RASGRF2: variants seen among roughly 807,000 people sequenced by gnomAD.
The protein encoded by RASGRF2 is Ras protein specific guanine nucleotide releasing factor 2, also known as ras-specific guanine nucleotide-releasing factor 2.
Under a neutral mutation model 151.0 loss-of-function variants are expected in RASGRF2, and 76 were observed. The ratio of observed to expected loss-of-function variants is 0.50; its 90% CI spans 0.42 to 0.61. The LOEUF is 0.61. Ranked by LOEUF, RASGRF2 falls within the 20% of genes least tolerant of loss-of-function variation. The pLI is 0.00. For synonymous variants in RASGRF2, 504 were observed against 566.5 expected (o/e 0.89, Z 1.57); for missense variants, 1,148 against 1,564.6 (o/e 0.73, Z 4.49).
chr5:81,196,237 T>C (rs1422585944), intron 18 of RASGRF2, among the ~76,000 whole-genome samples: 1 of 152,142 alleles, frequency 6.6e-6, no homozygotes, highest in Non-Finnish European at 1.5e-5. Context: ...GCCTGGGCAA[T>C]AGAGTGAAAC....
chr5:81,068,192 C>A lies in RASGRF2; in HGVS notation c.543+13C>A. The A allele has an allele frequency of 6.2e-7, 1 of 1,603,746 alleles. No homozygotes were observed. The highest frequency in any genetic ancestry group is 1.1e-5 in the South Asian group (1 of 89,502). ...GCTTAAATCAGAGGTATTTCCCAGT[C>A]AATAGATTCCTTCTCATTGTTTCAC... On this transcript the variant is annotated intron_variant, in intron 3 of 26. Coordinates refer to ENST00000265080, the MANE Select transcript of RASGRF2 (RefSeq NM_006909.3).
chr5:81,038,702 G>T (rs1750588394), intron 1 of RASGRF2, among the ~76,000 whole-genome samples: 1 of 149,848 alleles, frequency 6.7e-6, no homozygotes, highest in African/African-American at 2.5e-5. Context: ...CAGCCTCCCA[G>T]GCAGCTGAGA....
chr5:80,961,278 C>T (rs1346037120), intron 1 of RASGRF2, among the ~76,000 whole-genome samples: 1 of 152,182 alleles, frequency 6.6e-6, no homozygotes, highest in African/African-American at 2.4e-5. Context: ...CTTTCATTAC[C>T]CTGGTAGAGG....
chr5:81,212,663 A>C (rs1755651714), intron 23 of RASGRF2, 100 bp downstream of exon 23: 2 of 1,181,268 alleles, frequency 1.7e-6, no homozygotes. Context: ...ATTAACTGAA[A>C]TGAGCCGCTC....
intron 19 of RASGRF2, among the ~76,000 whole-genome samples, chr5:81,205,838 C>G (rs1443263104): frequency 2.0e-5 from 3 of 152,144 alleles, no homozygotes; most frequent in Admixed American, 6.5e-5. Context: ...GCAAGCTCTG[C>G]CTCCTTGGTT....
intron 18 of RASGRF2, among the ~76,000 whole-genome samples, chr5:81,199,013 G>T (rs1425742590): frequency 6.6e-6 from 1 of 152,152 alleles, no homozygotes; most frequent in Non-Finnish European, 1.5e-5. Context: ...GAACTAATTT[G>T]CATTCCCACC....
chr5:81,191,101 C>T (rs977384115), intron 18 of RASGRF2, among the ~76,000 whole-genome samples: 1 of 152,182 alleles, frequency 6.6e-6, no homozygotes, highest in Non-Finnish European at 1.5e-5. Context: ...CCTGACATCA[C>T]CTGGTCCTTG....
intron 7 of RASGRF2, among the ~76,000 whole-genome samples, chr5:81,082,148 T>G (rs1254019686): frequency 1.3e-5 from 2 of 152,188 alleles, no homozygotes; most frequent in Admixed American, 6.5e-5. Context: ...CATGGGGCAT[T>G]CAGAGAGGAA....
intron 2 of RASGRF2, 149 bp from the exon 3 acceptor site, chr5:81,067,883 A>G: frequency 1.8e-6 from 1 of 569,098 alleles, no homozygotes; most frequent in East Asian, 3.4e-5. Flanking sequence ...TACCAAATGT[A>G]AGCTGAAAGT....
At chr5:81,023,175 G>A (rs1749891657) in intron 1 of RASGRF2, among the ~76,000 whole-genome samples, 1 of 152,188 alleles carries the variant, frequency 6.6e-6, no homozygotes, top group Admixed American at 6.5e-5. Flanking sequence ...TAGGGCTGGT[G>A]CCTGGGAGAG....
At chr5:81,121,718 C>T (rs563680923) in intron 15 of RASGRF2, among the ~76,000 whole-genome samples, 3 of 152,310 alleles carry the variant, frequency 2.0e-5, no homozygotes, top group African/African-American at 7.2e-5. Context: ...GGTGCTTCTA[C>T]AAAACACAAA....
intron 17 of RASGRF2, among the ~76,000 whole-genome samples, chr5:81,166,809 G>A (rs1213201783): frequency 6.6e-6 from 1 of 152,126 alleles, no homozygotes; most frequent in Non-Finnish European, 1.5e-5. Context: ...AAAGGACACT[G>A]AGAACCCGAG....
chr5:80,998,734 C>T (rs1289089647), intron 1 of RASGRF2, among the ~76,000 whole-genome samples: 1 of 152,186 alleles, frequency 6.6e-6, no homozygotes, highest in Admixed American at 6.5e-5. Context: ...CCCTGCTCTG[C>T]CTGTATAAGT....
intron 26 of RASGRF2, among the ~76,000 whole-genome samples, chr5:81,221,704 C>A (rs1215270326): frequency 1.3e-5 from 2 of 151,996 alleles, no homozygotes; most frequent in Non-Finnish European, 2.9e-5. Context: ...TGGCCGGGCG[C>A]CTTGGCTCAC....
intron 1 of RASGRF2, among the ~76,000 whole-genome samples, chr5:80,981,874 A>G (rs190177737): frequency 4.6e-5 from 7 of 152,352 alleles, no homozygotes; most frequent in Admixed American, 2.0e-4. Flanking sequence ...CATACTAAAA[A>G]TTGCTTTTTA....
chr5:81,020,837 G>T (rs1749800457), intron 1 of RASGRF2, among the ~76,000 whole-genome samples: 1 of 152,170 alleles, frequency 6.6e-6, no homozygotes, highest in African/African-American at 2.4e-5. Flanking sequence ...GTGTCTACTG[G>T]GTGCCAGGCA....
chr5:81,216,512 C>CTAATAA (rs766230798), intron 24 of RASGRF2, among the ~76,000 whole-genome samples: 1 of 151,580 alleles, frequency 6.6e-6, no homozygotes. Flanking sequence ...AAGACTAAGA[C>CTAATAA]TAATAATAAT....
At chr5:80,988,856 CAA>C (rs1277812378) in intron 1 of RASGRF2, among the ~76,000 whole-genome samples, 3 of 152,026 alleles carry the variant, frequency 2.0e-5, no homozygotes, top group African/African-American at 7.2e-5. Flanking sequence ...TAAAGCATAA[CAA>C]AATAGGCATA....
intron 1 of RASGRF2, among the ~76,000 whole-genome samples, chr5:80,983,676 T>G (rs1748385487): frequency 6.6e-6 from 1 of 152,250 alleles, no homozygotes; most frequent in South Asian, 2.1e-4. Flanking sequence ...ACTAGCCACG[T>G]GTGGCTTTTG....
Sources: allele counts gnomAD v4.1 joint callset (sites outside exome capture counted in the v4.1 genomes callset), GRCh38; gene constraint gnomAD v4.1.1; transcripts MANE v1.5; gene names NCBI Gene and HGNC (gene_info 2026-07-23, HGNC 2026-07-21).